The following LAMTOR5 variants were observed in gnomAD, a reference collection of about 807,000 sequenced individuals.
LAMTOR5 encodes the protein late endosomal/lysosomal adaptor, MAPK and MTOR activator 5.
In LAMTOR5, 8 loss-of-function variants were observed where a neutral mutation model predicts 12.1. The observed-to-expected ratio is 0.66, with a 90% CI of 0.39 to 1.19. The LOEUF (loss-of-function observed/expected upper bound fraction) is 1.19, where lower values mean the gene tolerates loss of function less well. Ranked by LOEUF, LAMTOR5 falls within the 50% of genes most tolerant of loss-of-function variation. The probability of loss-of-function intolerance (pLI) is 0.01; values close to 1 mark genes in which losing one functional copy is unlikely to be tolerated. For synonymous variants in LAMTOR5, 37 were observed against 41.9 expected, an observed-to-expected ratio of 0.88 and a Z score of 0.45; for missense variants, 110 against 112.8, an observed-to-expected ratio of 0.97 and a Z score of 0.11.
intron 2 of LAMTOR5, 107 bp from the exon 3 acceptor site, chr1:110,404,143 T>C: frequency 6.7e-7 from 1 of 1,492,992 alleles, no homozygotes; most frequent in South Asian, 1.3e-5. Context: ...TTTTTATTAA[T>C]GTCTGTATTA....
Position 110,406,419 on chromosome 1 carries a change from G to A in LAMTOR5, c.36-40C>T, listed in dbSNP as rs1256991010. 2.8e-6 allele frequency: 4 copies of A among 1,420,384 alleles called. No individual in the cohort carries two copies. In the African/African-American group the frequency reaches 4.3e-5, roughly 15 times the overall value. The allele number at this position is 1,420,384 out of a possible 1,614,324, so 88.0% of individuals were successfully genotyped here. On this transcript the variant is annotated intron_variant, in intron 1 of 3. Transcript: ENST00000602318. Reference sequence around the variant, plus strand: ...ACAAGAGAGTTGAAGTACATAATGGGAGAAAAAGGATTTAAATAAGTACAA... The same window carrying A: ...ACAAGAGAGTTGAAGTACATAATGGAAGAAAAAGGATTTAAATAAGTACAA...
Position 110,401,543 on chromosome 1 carries a change from C to T in LAMTOR5, c.256G>A (p.Val86Met), listed in dbSNP as rs1269545454. The T allele has an allele frequency of 1.9e-6, 3 of 1,608,480 alleles. No individual in the cohort carries two copies. Among genetic ancestry groups the T allele is most frequent in the East Asian group, 2.2e-5 (1 of 44,662 alleles). The part of the protein sequence containing the change: ...IQKHDGITVA[V>M]HKMAS ...GAGCATCAAGAGGCCATTTTGTGCA[C>T]TGCCACCGTGATGCCATCGTGTTTC... Residue 86 changes from valine (V) to methionine (M), a missense_variant, in exon 4 of 4, where the codon GTG (valine) becomes ATG (methionine). Val to Met is a conservative substitution (Grantham distance 21). Coordinates refer to ENST00000602318, the MANE Select transcript of LAMTOR5 (RefSeq NM_001382293.1).
chr1:110,406,889 A>G, intron 1 of LAMTOR5: 1 of 443,700 alleles, frequency 2.3e-6, no homozygotes, highest in Non-Finnish European at 4.0e-6. Context: ...CTCTCTGATG[A>G]GAGAAAAAAA....
chr1:110,401,706 G>C, intron 3 of LAMTOR5, 123 bp from the exon 4 acceptor site: 2 of 1,055,400 alleles, frequency 1.9e-6, no homozygotes, highest in Non-Finnish European at 1.4e-6. Context: ...ACGTATAAAA[G>C]CAATATTTAA....
At chr1:110,404,602 A>C (rs12132863) in intron 2 of LAMTOR5, among the ~76,000 whole-genome samples, 1 of 152,016 alleles carries the variant, frequency 6.6e-6, no homozygotes, top group South Asian at 2.1e-4. Context: ...ATTAGGAGCA[A>C]CAAGTCTTGG....
chr1:110,407,830 C>T (rs201546485), upstream of LAMTOR5: 49 of 1,613,808 alleles, frequency 3.0e-5, no homozygotes, highest in Admixed American at 3.5e-4. Context: ...GGGCTCCCCG[C>T]GCGGTGACCG....
At chr1:110,403,728 A>G (rs1663271328) in intron 3 of LAMTOR5, 191 bp downstream of exon 3, 1 of 671,738 alleles carries the variant, frequency 1.5e-6, no homozygotes, top group Admixed American at 3.9e-5. Context: ...TTCTTCATTT[A>G]AATAGCATTG....
chr1:110,407,729 C>T (rs375641327), upstream of LAMTOR5: 17 of 1,614,196 alleles, frequency 1.1e-5, no homozygotes, highest in Non-Finnish European at 1.4e-5. Context: ...ACGGCGCCTC[C>T]AAAGGGACAA....
chr1:110,407,790 C>T (rs760799296), upstream of LAMTOR5: 25 of 1,614,026 alleles, frequency 1.5e-5, no homozygotes, highest in African/African-American at 2.7e-5. Context: ...CATCACTGCG[C>T]TTCCGTCGCA....
chr1:110,401,657 G>C, intron 3 of LAMTOR5, 74 bp from the exon 4 acceptor site: 1 of 1,448,030 alleles, frequency 6.9e-7, no homozygotes, highest in Non-Finnish European at 9.6e-7. Context: ...GATGTTGTTT[G>C]CTTTAGGATA....
chr1:110,403,818 G>A, intron 3 of LAMTOR5, 101 bp downstream of exon 3: 1 of 1,489,978 alleles, frequency 6.7e-7, no homozygotes. Context: ...TCCCAAAGTA[G>A]TCTGAATAAG....
rs1316139012 is a variant in LAMTOR5, at chr1:110,407,038, G to A, written c.35+548C>T. ...TGTTGAAAAACTCAAGTTACCTCCT[G>A]GAGGGTAAGTGGAAGCTGAGGGACA... On this transcript the variant is annotated intron_variant, in intron 1 of 3. Coordinates refer to ENST00000602318, the MANE Select transcript of LAMTOR5 (RefSeq NM_001382293.1). The A allele has an allele frequency of 4.3e-6, 3 of 698,658 alleles. No individual in the cohort carries two copies. In the East Asian group the frequency reaches 8.1e-5, roughly 19 times the overall value. 43.3% of individuals were successfully genotyped at this position (698,658 alleles called of 1,614,324 possible). A position where few individuals can be genotyped will look rare whatever the true frequency, so the allele number is the denominator to read the frequency against.
chr1:110,405,841 G>A (rs1242281562), intron 2 of LAMTOR5, among the ~76,000 whole-genome samples: 1 of 152,170 alleles, frequency 6.6e-6, no homozygotes, highest in Non-Finnish European at 1.5e-5. Context: ...AAGAGCAAGG[G>A]ATTGAGACCA....
Position 110,402,863 on chromosome 1 carries a change from GTGT to G in LAMTOR5, c.215+1053_215+1055del, listed in dbSNP as rs569580799. On this transcript the variant is annotated intron_variant, in intron 3 of 3. Transcript: ENST00000602318. ...TTGTACAGCTGTACAACTGTTTTAA[GTGT>G]TATTATAAAGTCAAAAAGTTTTATT... Among the ~76,000 whole-genome samples, 4 of 152,338 alleles carry G rather than the reference GTGT, an allele frequency of 2.6e-5. No individual in the cohort carries two copies. The South Asian group carries it at 8.3e-4, about 32-fold the overall frequency.
At chr1:110,407,393 G>T (rs1383309121) in intron 1 of LAMTOR5, 193 bp downstream of exon 1, 2 of 704,668 alleles carry the variant, frequency 2.8e-6, no homozygotes, top group Admixed American at 5.9e-5. Flanking sequence ...GCGGTGCCCG[G>T]CAGGATTTTA....
intron 3 of LAMTOR5, 147 bp downstream of exon 3, chr1:110,403,771 CT>C: frequency 7.9e-7 from 1 of 1,264,240 alleles, no homozygotes; most frequent in Non-Finnish European, 1.1e-6. Context: ...TAGGGATCAA[CT>C]TGTCTGTTCC....
Position 110,406,324 on chromosome 1 carries a change from G to C in LAMTOR5, c.91C>G (p.Leu31Val), listed in dbSNP as rs1017431345. 2 of 1,604,386 alleles carry C rather than the reference G, an allele frequency of 1.2e-6. No individual in the cohort carries two copies. Among genetic ancestry groups the C allele is most frequent in the African/African-American group, 1.3e-5 (1 of 74,708 alleles). Reference sequence around the variant, plus strand: ...TGGTATGAGAGATACTTACAACCCAGATTAAGTCCTTGTGAATCTGTGCAC... The same window carrying C: ...TGGTATGAGAGATACTTACAACCCACATTAAGTCCTTGTGAATCTGTGCAC... Reference protein sequence around the residue: ...VLCTDSQGLNLGCRGTLSDEH... With the variant: ...VLCTDSQGLNVGCRGTLSDEH... The change falls in exon 2 of 4, where the codon CTG (leucine) becomes GTG (valine). Residue 31 changes from leucine to valine, a missense_variant. Coordinates refer to ENST00000602318, the MANE Select transcript of LAMTOR5 (RefSeq NM_001382293.1).
chr1:110,405,928 A>C (rs1663320261), intron 2 of LAMTOR5, among the ~76,000 whole-genome samples: 1 of 152,154 alleles, frequency 6.6e-6, no homozygotes, highest in Non-Finnish European at 1.5e-5. Context: ...AAAATTGTAC[A>C]CCACCCACCT....
At chr1:110,403,710 A>G in intron 3 of LAMTOR5, 1 of 572,244 alleles carries the variant, frequency 1.7e-6, no homozygotes, top group Non-Finnish European at 2.7e-6. Context: ...AGCTTCTGCC[A>G]ATTCTTATTC....
Sources: gnomAD v4.1 joint callset for allele counts (sites outside exome capture counted in the v4.1 genomes callset) on GRCh38, gnomAD v4.1.1 for gene constraint, MANE v1.5 for transcripts, NCBI Gene and HGNC (gene_info 2026-07-23, HGNC 2026-07-21) for gene names.